The following STXBP4 variants were observed in gnomAD, a reference collection of about 807,000 sequenced individuals.
The protein encoded by STXBP4 is syntaxin-binding protein 4.
Under a neutral mutation model 76.1 loss-of-function variants are expected in STXBP4, and 55 were observed. The ratio of observed to expected loss-of-function variants is 0.72; its 90% CI spans 0.58 to 0.91. The LOEUF is 0.91. STXBP4 is among the 40% of genes least tolerant of loss of function. The pLI, the probability that STXBP4 is intolerant of heterozygous loss-of-function variation, is 0.00. For missense variants in STXBP4, 618 were observed against 636.9 expected, an observed-to-expected ratio of 0.97 and a Z score of 0.32; for synonymous variants, 201 against 220.2, an observed-to-expected ratio of 0.91 and a Z score of 0.77.
chr17:55,200,142 G>C, the STXBP4 span, among the ~76,000 whole-genome samples: 1,468 of 152,226 alleles, frequency 9.6e-3, 28 homozygotes, highest in African/African-American at 0.033. Context: ...CTAGTAAGAG[G>C]AAATCTGAAG....
chr17:55,191,876 G>A, the STXBP4 span, among the ~76,000 whole-genome samples: 1 of 152,094 alleles, frequency 6.6e-6, no homozygotes, highest in African/African-American at 2.4e-5. Flanking sequence ...AAAAATCCCA[G>A]GCCCCCTGTA....
chr17:55,124,243 A>C (rs1041282607), intron 16 of STXBP4, among the ~76,000 whole-genome samples: 2 of 152,174 alleles, frequency 1.3e-5, no homozygotes, highest in East Asian at 1.9e-4. Context: ...AAGATGTGCA[A>C]ATTGAGAAAA....
the STXBP4 span, among the ~76,000 whole-genome samples, chr17:55,182,118 G>C: frequency 6.6e-6 from 1 of 151,544 alleles, no homozygotes; most frequent in Non-Finnish European, 1.5e-5. Context: ...ATATCCAGCA[G>C]GTGGTAAAAA....
At chr17:55,185,540 A>G in the STXBP4 span, among the ~76,000 whole-genome samples, 1 of 152,150 alleles carries the variant, frequency 6.6e-6, no homozygotes, top group Non-Finnish European at 1.5e-5. Context: ...TGTGGAGAAT[A>G]TATGAGGTCT....
At chr17:55,100,624 G>A (rs2079551988) in intron 16 of STXBP4, among the ~76,000 whole-genome samples, 1 of 152,172 alleles carries the variant, frequency 6.6e-6, no homozygotes. Flanking sequence ...TAATGACAAA[G>A]TAGAAGACTT....
chr17:55,019,726 C>T (rs952549215), intron 8 of STXBP4, among the ~76,000 whole-genome samples: 1 of 152,026 alleles, frequency 6.6e-6, no homozygotes, highest in African/African-American at 2.4e-5. Flanking sequence ...AGAAAACTCT[C>T]ATTTTTTTTA....
At chr17:55,192,841 A>G in the STXBP4 span, among the ~76,000 whole-genome samples, 1 of 152,018 alleles carries the variant, frequency 6.6e-6, no homozygotes, top group Non-Finnish European at 1.5e-5. Context: ...AGACACAGAC[A>G]CTCAAATCTT....
chr17:55,034,140 G>T (rs748646602), intron 9 of STXBP4, 28 bp from the exon 10 acceptor site: 2 of 1,575,046 alleles, frequency 1.3e-6, no homozygotes, highest in Admixed American at 3.3e-5. Flanking sequence ...TAAATGCCAT[G>T]TTCTTACTTA....
chr17:55,035,913 A>G (rs1193636186), intron 10 of STXBP4, among the ~76,000 whole-genome samples: 1 of 151,986 alleles, frequency 6.6e-6, no homozygotes, highest in Non-Finnish European at 1.5e-5. Flanking sequence ...TTATATATTT[A>G]TTGTGTACAA....
intron 17 of STXBP4, among the ~76,000 whole-genome samples, chr17:55,151,172 GT>G (rs2080212414): frequency 6.6e-6 from 1 of 152,120 alleles, no homozygotes; most frequent in Non-Finnish European, 1.5e-5. Flanking sequence ...AATTTGTGTT[GT>G]TTTAGGCCAT....
At chr17:55,101,833 A>G (rs1461746423) in intron 16 of STXBP4, among the ~76,000 whole-genome samples, 5 of 152,180 alleles carry the variant, frequency 3.3e-5, no homozygotes, top group African/African-American at 7.2e-5. Flanking sequence ...ACAGAGTTGT[A>G]TATAGTTTTG....
At chr17:55,075,589 C>A (rs2079172332) in intron 13 of STXBP4, among the ~76,000 whole-genome samples, 1 of 152,108 alleles carries the variant, frequency 6.6e-6, no homozygotes, top group South Asian at 2.1e-4. Flanking sequence ...CTAGGTAATG[C>A]CTACTTGTGC....
chr17:55,191,370 C>T, the STXBP4 span, among the ~76,000 whole-genome samples: 2,679 of 152,206 alleles, frequency 0.018, 81 homozygotes, highest in African/African-American at 0.061. Context: ...AGCTCTGTGA[C>T]ACCAGCTGGA....
At chr17:55,204,051 A>G in the STXBP4 span, among the ~76,000 whole-genome samples, 2 of 151,412 alleles carry the variant, frequency 1.3e-5, no homozygotes, top group Non-Finnish European at 1.5e-5. Flanking sequence ...GTTCTATTTT[A>G]TTTTTTATTT....
At chr17:55,149,489 T>C (rs1010190551) in intron 17 of STXBP4, among the ~76,000 whole-genome samples, 2 of 152,188 alleles carry the variant, frequency 1.3e-5, no homozygotes, top group African/African-American at 4.8e-5. Flanking sequence ...TCTCCCCAGA[T>C]TGTTTTGAGA....
chr17:55,024,830 A>G (rs995568435), intron 8 of STXBP4, among the ~76,000 whole-genome samples: 2 of 152,116 alleles, frequency 1.3e-5, no homozygotes, highest in African/African-American at 2.4e-5. Context: ...AAATTTCACA[A>G]TGTCATGTTT....
chr17:55,202,346 G>A, the STXBP4 span, among the ~76,000 whole-genome samples: 2 of 151,946 alleles, frequency 1.3e-5, no homozygotes, highest in African/African-American at 2.4e-5. Flanking sequence ...ATATAAACAG[G>A]TATTGAGTAG....
At chr17:55,081,004 TTG>T (rs1265937315) in intron 15 of STXBP4, 44 bp from the exon 16 acceptor site, 1 of 1,352,660 alleles carries the variant, frequency 7.4e-7, no homozygotes, top group Non-Finnish European at 9.6e-7. Context: ...AAGATAGATG[TTG>T]TTTATTGTGT....
intron 16 of STXBP4, among the ~76,000 whole-genome samples, chr17:55,096,326 T>G (rs1239214342): frequency 1.3e-5 from 2 of 152,116 alleles, no homozygotes; most frequent in Non-Finnish European, 2.9e-5. Context: ...TAGCTAATTT[T>G]TTGGTATTTT....
Sources: gnomAD v4.1 joint callset for allele counts (sites outside exome capture counted in the v4.1 genomes callset) on GRCh38, gnomAD v4.1.1 for gene constraint, MANE v1.5 for transcripts, NCBI Gene and HGNC (gene_info 2026-07-23, HGNC 2026-07-21) for gene names.